The following TNIP3 variants were observed in gnomAD, a reference collection of about 807,000 sequenced individuals.
TNIP3 encodes the protein TNFAIP3-interacting protein 3.
Under a neutral mutation model 54.1 loss-of-function variants are expected in TNIP3, and 34 were observed. The ratio of observed to expected loss-of-function variants is 0.63; its 90% CI spans 0.48 to 0.84. The LOEUF (loss-of-function observed/expected upper bound fraction) is 0.84, where lower values mean the gene tolerates loss of function less well. TNIP3 is among the 40% of genes least tolerant of loss of function. The pLI is 0.00. For missense variants in TNIP3, 366 were observed against 387.6 expected, an observed-to-expected ratio of 0.94 and a Z score of 0.47; for synonymous variants, 134 against 136.8, an observed-to-expected ratio of 0.98 and a Z score of 0.14.
upstream of TNIP3, among the ~76,000 whole-genome samples, chr4:121,166,938 A>C (rs1264522649): frequency 6.6e-6 from 1 of 152,108 alleles, no homozygotes; most frequent in African/African-American, 2.4e-5. Context: ...TCTGCCACTC[A>C]CTGCTTGTGC....
chr4:121,209,463 G>T (rs1726362204), intron 2 of TNIP3, among the ~76,000 whole-genome samples: 1 of 152,164 alleles, frequency 6.6e-6, no homozygotes, highest in South Asian at 2.1e-4. Context: ...TGGACACATA[G>T]TTGGCATGGA....
rs1728521320 is a variant in TNIP3 at position 121,132,324 on chromosome 4, G to A, written c.*307C>T. On this transcript the variant is annotated 3_prime_UTR_variant, in exon 11 of 11. Transcript: ENST00000057513. ...TTGCCTAAATCATAGAATCATTTTT[G>A]TGCATCCAACAGCAATATGCTGAAG... The A allele has an allele frequency of 3.0e-6, 1 of 329,516 alleles. No individual in the cohort carries two copies. The highest frequency in any genetic ancestry group is 5.6e-6 in the Non-Finnish European group (1 of 180,124). The allele number at this position is 329,516 out of a possible 1,614,324, so 20.4% of individuals were successfully genotyped here.
intron 2 of TNIP3, among the ~76,000 whole-genome samples, chr4:121,206,645 C>G (rs1300916906): frequency 6.6e-6 from 1 of 152,094 alleles, no homozygotes; most frequent in South Asian, 2.1e-4. Flanking sequence ...CTTCCAGACT[C>G]AAGAGATCCT....
At chr4:121,165,750 C>T (rs571831340), upstream of TNIP3, among the ~76,000 whole-genome samples, 5 of 151,588 alleles carry the variant, frequency 3.3e-5, no homozygotes, top group Non-Finnish European at 7.4e-5. Flanking sequence ...AAGGGAGTGA[C>T]GCTGCTTTAA....
At chr4:121,147,873 G>A (rs1729521590) in intron 6 of TNIP3, among the ~76,000 whole-genome samples, 2 of 152,008 alleles carry the variant, frequency 1.3e-5, no homozygotes, top group African/African-American at 4.8e-5. Flanking sequence ...TTTAACTAAA[G>A]GTTTATCAAT....
intron 10 of TNIP3, among the ~76,000 whole-genome samples, chr4:121,134,417 A>G (rs559106149): frequency 1.6e-4 from 24 of 152,340 alleles, no homozygotes; most frequent in African/African-American, 5.8e-4. Context: ...GTCATTTTGC[A>G]TCTCGTTCTG....
upstream of TNIP3, among the ~76,000 whole-genome samples, chr4:121,166,214 C>A (rs1730760110): frequency 6.6e-6 from 1 of 152,124 alleles, no homozygotes; most frequent in African/African-American, 2.4e-5. Context: ...TTTACAATTC[C>A]TTTGCCTCTT....
chr4:121,192,749 A>T (rs1019506427), intron 2 of TNIP3: 7 of 152,208 alleles, frequency 4.6e-5, no homozygotes, highest in Non-Finnish European at 7.3e-5. Flanking sequence ...CATGTGAGTA[A>T]TAATTATAAC....
At chr4:121,193,305 G>C (rs370698211) in intron 2 of TNIP3, among the ~76,000 whole-genome samples, 165 of 152,144 alleles carry the variant, frequency 1.1e-3, no homozygotes, top group African/African-American at 3.8e-3. Context: ...GATGAGCCTG[G>C]AATTTCTTTT....
upstream of TNIP3, among the ~76,000 whole-genome samples, chr4:121,221,345 A>G (rs1367851298): frequency 2.6e-5 from 4 of 152,192 alleles, no homozygotes; most frequent in Non-Finnish European, 4.4e-5. Flanking sequence ...AATATTAAAA[A>G]AGAAAAAGGA....
upstream of TNIP3, among the ~76,000 whole-genome samples, chr4:121,168,136 C>T (rs1209380606): frequency 2.0e-5 from 3 of 152,094 alleles, no homozygotes; most frequent in East Asian, 5.8e-4. Context: ...GAGCACATTG[C>T]CACAAAAGCC....
chr4:121,140,385 G>T (rs1224304702), intron 9 of TNIP3, among the ~76,000 whole-genome samples: 1 of 152,114 alleles, frequency 6.6e-6, no homozygotes. Context: ...ATTCTACATG[G>T]CTTGGAGTCC....
rs182810357 is a variant in TNIP3, at chr4:121,194,794, A to G, written c.69-11998T>C. ...AAATAGGCTCTGTTGGAATCCTCAG[A>G]TTATAGAAACTTGCTTTTGGAAATA... On this transcript the variant is annotated intron_variant, in intron 2 of 12. Coordinates refer to the TNIP3 transcript ENST00000507879. Among the ~76,000 whole-genome samples the G allele has an allele frequency of 1.2e-3, 190 of 152,190 alleles. 3 individuals carry two copies. The highest frequency in any genetic ancestry group is 6.8e-3 in the Middle Eastern group (2 of 294).
intron 6 of TNIP3, among the ~76,000 whole-genome samples, chr4:121,147,904 G>A (rs776148199): frequency 6.6e-6 from 1 of 152,170 alleles, no homozygotes; most frequent in Non-Finnish European, 1.5e-5. Flanking sequence ...TAAGTCGACA[G>A]CAATAGAACA....
intron 2 of TNIP3, among the ~76,000 whole-genome samples, chr4:121,188,381 C>T (rs575262997): frequency 1.1e-4 from 16 of 151,724 alleles, no homozygotes; most frequent in South Asian, 1.0e-3. Context: ...TGGGAAATAA[C>T]GGTCTGCCCT....
At chr4:121,200,747 T>C (rs1422829494) in intron 2 of TNIP3, among the ~76,000 whole-genome samples, 1 of 152,224 alleles carries the variant, frequency 6.6e-6, no homozygotes, top group Non-Finnish European at 1.5e-5. Context: ...TTGTTTATTT[T>C]TGTTTTAATT....
In TNIP3 at chr4:121,141,931, TG is replaced by T. The variant is rs758240149; in HGVS notation, c.787-18del. On this transcript the variant is annotated intron_variant, in intron 8 of 10. Coordinates refer to ENST00000057513, the MANE Select transcript of TNIP3 (RefSeq NM_024873.6). ...GCAATACATCTGAGGAGAACAAAAC[TG>T]TGGGGTCACTACCAGTGGGAGAGAC... is the stretch of plus-strand genomic sequence containing the variant. 13 of 1,562,686 alleles carry T rather than the reference TG, an allele frequency of 8.3e-6. No homozygotes were observed. In the South Asian group the frequency reaches 1.6e-4, roughly 19 times the overall value.
intron 2 of TNIP3, among the ~76,000 whole-genome samples, chr4:121,194,607 C>G (rs900027242): frequency 2.0e-5 from 3 of 151,676 alleles, no homozygotes; most frequent in Non-Finnish European, 2.9e-5. Context: ...GTATTCTAGC[C>G]CAAGGATTCT....
intron 3 of TNIP3, among the ~76,000 whole-genome samples, chr4:121,180,157 T>C (rs1195016951): frequency 3.9e-5 from 6 of 151,944 alleles, no homozygotes; most frequent in Non-Finnish European, 5.9e-5. Context: ...TCCCAACACT[T>C]TGGGAGGCCG....
Sources: allele counts gnomAD v4.1 joint callset (sites outside exome capture counted in the v4.1 genomes callset), GRCh38; gene constraint gnomAD v4.1.1; transcripts MANE v1.5; gene names NCBI Gene and HGNC (gene_info 2026-07-23, HGNC 2026-07-21).